PDXDC1: variants seen among roughly 807,000 people sequenced by gnomAD.
PDXDC1 encodes the protein pyridoxal dependent decarboxylase domain containing 1.
In PDXDC1, 42 loss-of-function variants were observed where a neutral mutation model predicts 100.1. The ratio of observed to expected loss-of-function variants is 0.42; its 90% confidence interval spans 0.33 to 0.54. The LOEUF is 0.54. Ranked by LOEUF, PDXDC1 falls within the 20% of genes least tolerant of loss-of-function variation. The pLI is 0.10. For missense variants in PDXDC1, 636 were observed against 979.2 expected, an observed-to-expected ratio of 0.65 and a Z score of 4.68; for synonymous variants, 260 against 371.7, an observed-to-expected ratio of 0.70 and a Z score of 3.46.
intron 8 of PDXDC1, among the ~76,000 whole-genome samples, chr16:15,015,062 C>T (rs1435701070): frequency 2.0e-4 from 31 of 152,272 alleles, no homozygotes; most frequent in African/African-American, 7.0e-4. Flanking sequence ...CTCGGCCCCG[C>T]GAGTACCTGG....
intron 16 of PDXDC1, chr16:15,130,328 C>G (rs1422620854): frequency 1.3e-6 from 2 of 1,548,310 alleles, no homozygotes; most frequent in Admixed American, 3.9e-5. Flanking sequence ...CCTCTGTCCG[C>G]CACACCACGT....
At chr16:15,101,370 G>A (rs933631702) in intron 16 of PDXDC1, among the ~76,000 whole-genome samples, 2 of 152,200 alleles carry the variant, frequency 1.3e-5, no homozygotes, top group African/African-American at 4.8e-5. Context: ...AGGACGGACT[G>A]CAGTGGCACG....
rs1384216328 is a variant in PDXDC1, at chr16:15,119,555, A to AT, written c.1400-19322dup. Among the ~76,000 whole-genome samples, 15 of 148,572 alleles carry AT rather than the reference A, an allele frequency of 1.0e-4. 2 individuals are homozygous for AT. The highest frequency in any genetic ancestry group is 8.8e-4 in the Admixed American group (13 of 14,816). ...TGCCTCAGCCTCCCGAGCAGCTGAG[A>AT]TTACAGGTCTCTGCCACCATGCCCG... On this transcript the variant is annotated intron_variant, in intron 16 of 16. Coordinates refer to the PDXDC1 transcript ENST00000535621.
At chr16:15,071,822 A>G in intron 16 of PDXDC1, among the ~76,000 whole-genome samples, 1 of 152,148 alleles carries the variant, frequency 6.6e-6, no homozygotes, top group East Asian at 1.9e-4. Context: ...GTACAAATTC[A>G]ATAGGTTTGT....
chr16:15,145,232 G>A, the PDXDC1 span, among the ~76,000 whole-genome samples: 1 of 152,242 alleles, frequency 6.6e-6, no homozygotes, highest in African/African-American at 2.4e-5. Flanking sequence ...GGGCACAGCA[G>A]TGCCCTGGAG....
downstream of PDXDC1, chr16:15,039,825 G>GT: frequency 3.1e-6 from 2 of 636,056 alleles, no homozygotes; most frequent in Admixed American, 2.6e-5. Flanking sequence ...GTGGGGAGGG[G>GT]TATATGTATG....
chr16:15,073,226 G>T, intron 16 of PDXDC1: 1 of 895,914 alleles, frequency 1.1e-6, no homozygotes, highest in Admixed American at 2.8e-5. Flanking sequence ...AGCACTTTGG[G>T]AGGCCAAAGT....
At chr16:14,979,859 A>AT (rs1967557964) in intron 1 of PDXDC1, among the ~76,000 whole-genome samples, 1 of 152,292 alleles carries the variant, frequency 6.6e-6, no homozygotes, top group South Asian at 2.1e-4. Flanking sequence ...CTTAAAAAGC[A>AT]TGAGAAAAGA....
chr16:15,075,531 C>T (rs1462118264), intron 16 of PDXDC1, among the ~76,000 whole-genome samples: 1 of 150,798 alleles, frequency 6.6e-6, no homozygotes, highest in Non-Finnish European at 1.5e-5. Flanking sequence ...AGATCACACA[C>T]TGCCACACTC....
intron 16 of PDXDC1, chr16:15,048,114 A>G (rs1182356991): frequency 4.6e-6 from 7 of 1,523,832 alleles, no homozygotes; most frequent in Non-Finnish European, 6.3e-6. Context: ...TTAATTAAAA[A>G]AAAAATAAAA....
downstream of PDXDC1, among the ~76,000 whole-genome samples, chr16:15,140,990 C>T (rs1416350322): frequency 3.3e-5 from 5 of 152,240 alleles, no homozygotes; most frequent in South Asian, 4.2e-4. Context: ...AATGACCACC[C>T]GGCAGCCAGG....
At chr16:15,033,997 C>A (rs1392369755) in intron 19 of PDXDC1, 1 of 523,420 alleles carries the variant, frequency 1.9e-6, no homozygotes, top group African/African-American at 1.9e-5. Flanking sequence ...AAGCCAGCTT[C>A]ATTCCTTTCT....
intron 16 of PDXDC1, chr16:15,085,838 A>G: frequency 7.8e-7 from 1 of 1,281,644 alleles, no homozygotes; most frequent in Non-Finnish European, 1.1e-6. Context: ...CCCAATGATT[A>G]ATTAAACGCA....
intron 16 of PDXDC1, among the ~76,000 whole-genome samples, chr16:15,043,851 G>A (rs999595336): frequency 2.6e-5 from 4 of 152,050 alleles, no homozygotes; most frequent in African/African-American, 7.2e-5. Context: ...AGGAGGGTGA[G>A]GCAAGAGAAT....
chr16:14,983,804 A>G (rs1269788609), intron 1 of PDXDC1, among the ~76,000 whole-genome samples: 4 of 152,278 alleles, frequency 2.6e-5, no homozygotes, highest in Admixed American at 2.0e-4. Context: ...AAATAGACCC[A>G]TTTTAATTAT....
chr16:15,148,494 C>T, the PDXDC1 span, among the ~76,000 whole-genome samples: 4 of 149,598 alleles, frequency 2.7e-5, no homozygotes, highest in Admixed American at 2.7e-4. Context: ...AGTGATGTCC[C>T]ACCTCAGTCT....
chr16:14,980,150 A>G (rs1455759835), intron 1 of PDXDC1, among the ~76,000 whole-genome samples: 3 of 152,280 alleles, frequency 2.0e-5, no homozygotes, highest in Admixed American at 1.3e-4. Context: ...GATTTATTCA[A>G]TTTTGCAGGG....
At chr16:15,006,040 ACT>A (rs1479963841) in intron 5 of PDXDC1, among the ~76,000 whole-genome samples, 3 of 152,400 alleles carry the variant, frequency 2.0e-5, no homozygotes, top group East Asian at 1.9e-4. Context: ...TAGGGCTGAA[ACT>A]CTGCTATGAA....
rs954527053 is a variant in PDXDC1, at chr16:15,127,488, G to C, written c.1400-11391G>C. On this transcript the variant is annotated intron_variant, in intron 16 of 16. Transcript: ENST00000535621. ...AGCCCACCTTGCTCCGGGACATCCAGAAGAGAAAGAGGATGGCCAGGTAGA... is the reference window on the plus strand; with the variant it reads ...AGCCCACCTTGCTCCGGGACATCCACAAGAGAAAGAGGATGGCCAGGTAGA... 8.3e-6 allele frequency: 13 copies of C among 1,566,072 alleles called. No homozygotes were observed. The African/African-American group carries it at 1.6e-4, about 20-fold the overall frequency.
Sources: gnomAD v4.1 joint callset for allele counts (sites outside exome capture counted in the v4.1 genomes callset) on GRCh38, gnomAD v4.1.1 for gene constraint, MANE v1.5 for transcripts, NCBI Gene and HGNC (gene_info 2026-07-23, HGNC 2026-07-21) for gene names.